The following CALD1 variants were observed in gnomAD, a reference collection of about 807,000 sequenced individuals.
The protein encoded by CALD1 is caldesmon.
Under a neutral mutation model 99.9 loss-of-function variants are expected in CALD1, and 33 were observed. That is an observed-to-expected ratio of 0.33 (90% CI 0.25 to 0.44). The LOEUF (loss-of-function observed/expected upper bound fraction) is 0.44, where lower values mean the gene tolerates loss of function less well. CALD1 is among the 20% of genes least tolerant of loss of function. The pLI, the probability that CALD1 is intolerant of heterozygous loss-of-function variation, is 1.00. For missense variants in CALD1, 861 were observed against 962.1 expected (o/e 0.89, Z 1.39); for synonymous variants, 310 against 325.0 (o/e 0.95, Z 0.50).
chr7:134,747,351 G>T (rs1391957944), intron 1 of CALD1, among the ~76,000 whole-genome samples: 1 of 152,176 alleles, frequency 6.6e-6, no homozygotes, highest in Admixed American at 6.5e-5. Context: ...AGGAACCCAG[G>T]TGCTCATTCT....
chr7:134,785,626 C>T lies in CALD1; in HGVS notation c.-130+5877C>T, dbSNP rs749111931. ...AATATCCCCTGAGTTCTGCATAGTT[C>T]GGATCCCATTTGGGAACTTGTGCTC... is the stretch of plus-strand genomic sequence containing the variant. On this transcript the variant is annotated intron_variant, in intron 1 of 14. Coordinates refer to ENST00000361675, the MANE Select transcript of CALD1 (RefSeq NM_033138.4). Among the ~76,000 whole-genome samples the T allele has an allele frequency of 1.2e-4, 19 of 152,252 alleles. No homozygotes were observed. In the East Asian group the frequency reaches 1.7e-3, roughly 14 times the overall value.
At chr7:134,757,320 C>G (rs1796738694) in intron 1 of CALD1, among the ~76,000 whole-genome samples, 1 of 152,156 alleles carries the variant, frequency 6.6e-6, no homozygotes, top group East Asian at 1.9e-4. Flanking sequence ...CAGTACTGTT[C>G]TCCTTCCACC....
chr7:134,778,038 T>C (rs1339506804), upstream of CALD1, among the ~76,000 whole-genome samples: 4 of 152,166 alleles, frequency 2.6e-5, no homozygotes, highest in African/African-American at 7.2e-5. Flanking sequence ...CCACCAACCA[T>C]TATTTATTCT....
At chr7:134,861,266 A>C (rs1300452816) in intron 2 of CALD1, among the ~76,000 whole-genome samples, 2 of 152,220 alleles carry the variant, frequency 1.3e-5, no homozygotes, top group Admixed American at 6.5e-5. Flanking sequence ...ATTCCAGGTC[A>C]CTATTTGCCA....
chr7:134,922,927 T>G (rs539974935), intron 3 of CALD1, among the ~76,000 whole-genome samples: 2 of 152,314 alleles, frequency 1.3e-5, no homozygotes, highest in South Asian at 4.1e-4. Context: ...GCATATATAT[T>G]TTTTTCTTAT....
chr7:134,929,646 G>GTGTGTGTATATATATATA (rs1488854871), intron 4 of CALD1, among the ~76,000 whole-genome samples: 2 of 7,916 alleles, frequency 2.5e-4, no homozygotes, highest in Non-Finnish European at 6.2e-4. Context: ...GTGTGTGTGT[G>GTGTGTGTATATATATATA]TATATATATA....
intron 3 of CALD1, among the ~76,000 whole-genome samples, chr7:134,877,496 T>C (rs1037760034): frequency 1.3e-5 from 2 of 152,214 alleles, no homozygotes; most frequent in East Asian, 3.8e-4. Context: ...CATATGTGTA[T>C]GTATGTATAT....
intron 1 of CALD1, among the ~76,000 whole-genome samples, chr7:134,809,865 C>T (rs988526347): frequency 6.6e-6 from 1 of 152,062 alleles, no homozygotes; most frequent in Non-Finnish European, 1.5e-5. Context: ...AACATATTTT[C>T]ATTGCTAGAA....
In CALD1 at chr7:134,960,529, G is replaced by A; in HGVS notation, c.2200-4G>A. 6.3e-7 allele frequency: 1 copy of A among 1,595,986 alleles called. No homozygotes were observed. Among genetic ancestry groups the A allele is most frequent in the Non-Finnish European group, 8.6e-7 (1 of 1,163,968 alleles). ...TAATATTTTGGATGATTGCCCCTTT[G>A]TAGGAAACTGCTGGCTTGAAGGTAG... On this transcript the variant is annotated splice_region_variant and splice_polypyrimidine_tract_variant and intron_variant, in intron 12 of 14. Transcript: ENST00000361675.
intron 14 of CALD1, among the ~76,000 whole-genome samples, chr7:134,966,878 A>G (rs1048745325): frequency 1.3e-5 from 2 of 152,096 alleles, no homozygotes; most frequent in African/African-American, 2.4e-5. Context: ...CAGCCATGCA[A>G]TGTAAATAGC....
At chr7:134,844,093 C>T (rs1231307755) in intron 2 of CALD1, 122 bp downstream of exon 2, 1 of 152,204 alleles carries the variant, frequency 6.6e-6, no homozygotes, top group African/African-American at 2.4e-5. Context: ...AGTTTTTCTG[C>T]TGTGGCCCTC....
chr7:134,726,431 T>A, the CALD1 span, among the ~76,000 whole-genome samples: 2 of 107,710 alleles, frequency 1.9e-5, no homozygotes, highest in African/African-American at 7.3e-5. Flanking sequence ...ATAATATATA[T>A]TATATAGCTT....
rs564557796 is a variant in CALD1, at chr7:134,892,052, A to G, written c.71+24248A>G. Among the ~76,000 whole-genome samples the G allele has an allele frequency of 3.7e-4, 56 of 152,296 alleles. 1 individual carries two copies. Among genetic ancestry groups the G allele is most frequent in the African/African-American group, 1.3e-3 (54 of 41,566 alleles). ...CCTCCGTTCAGAATGATCCATTTGC[A>G]GGGCTCAGAGATTTTGGCTAAAGCA... is the stretch of plus-strand genomic sequence containing the variant. On this transcript the variant is annotated intron_variant, in intron 3 of 14. Coordinates refer to ENST00000361675, the MANE Select transcript of CALD1 (RefSeq NM_033138.4).
chr7:134,742,965 C>G (rs1319822456), upstream of CALD1, among the ~76,000 whole-genome samples: 2 of 152,188 alleles, frequency 1.3e-5, no homozygotes, highest in Non-Finnish European at 1.5e-5. Flanking sequence ...TCCCTGCCTA[C>G]CTTTCTGCCT....
chr7:134,724,391 A>G, the CALD1 span, among the ~76,000 whole-genome samples: 1 of 151,942 alleles, frequency 6.6e-6, no homozygotes, highest in East Asian at 1.9e-4. Flanking sequence ...GAAAGGCATC[A>G]CTGAGGGGAG....
chr7:134,738,422 T>C, the CALD1 span, among the ~76,000 whole-genome samples: 1 of 152,242 alleles, frequency 6.6e-6, no homozygotes, highest in Admixed American at 6.5e-5. Context: ...TTCTTTCATC[T>C]ACGCTTTATG....
intron 2 of CALD1, among the ~76,000 whole-genome samples, chr7:134,848,093 T>C (rs34072498): frequency 0.039 from 5,849 of 149,218 alleles, 121 homozygotes; most frequent in Non-Finnish European, 0.052. Context: ...ACAAACAGTC[T>C]GGGGAAAAAA....
At chr7:134,926,995 T>C (rs1490453558) in intron 3 of CALD1, among the ~76,000 whole-genome samples, 2 of 152,328 alleles carry the variant, frequency 1.3e-5, no homozygotes, top group East Asian at 3.9e-4. Flanking sequence ...TTTGTAGATA[T>C]GTAAGTAACA....
chr7:134,722,934 TCAGAGAGCC>T, the CALD1 span, among the ~76,000 whole-genome samples: 1 of 152,214 alleles, frequency 6.6e-6, no homozygotes, highest in Middle Eastern at 3.2e-3. Flanking sequence ...GAGGCCTTTG[TCAGAGAGCC>T]CAGCTGCTCT....
Sources: allele counts gnomAD v4.1 joint callset (sites outside exome capture counted in the v4.1 genomes callset), GRCh38; gene constraint gnomAD v4.1.1; transcripts MANE v1.5; gene names NCBI Gene and HGNC (gene_info 2026-07-23, HGNC 2026-07-21).